Variants in HAUS5 observed in about 807,000 individuals in gnomAD.
HAUS5 encodes the protein HAUS augmin like complex subunit 5.
Under a neutral mutation model 94.1 loss-of-function variants are expected in HAUS5, and 67 were observed. The ratio of observed to expected loss-of-function variants is 0.71; its 90% CI spans 0.58 to 0.87. The LOEUF is 0.87. Among genes scored for constraint, HAUS5 ranks in the 40% least tolerant of loss-of-function variants. The pLI is 0.00. For synonymous variants in HAUS5, 339 were observed against 355.4 expected (o/e 0.95, Z 0.52); for missense variants, 739 against 825.6 (o/e 0.90, Z 1.29).
intron 1 of HAUS5, 46 bp from the exon 2 acceptor site, chr19:35,613,678 TCCCACA>T: frequency 6.6e-7 from 1 of 1,525,338 alleles, no homozygotes; most frequent in Non-Finnish European, 9.1e-7. Flanking sequence ...GGAATGAGGA[TCCCACA>T]CCCTGTGTGC....
intron 6 of HAUS5, 70 bp downstream of exon 6, chr19:35,615,456 C>A: frequency 8.2e-7 from 1 of 1,216,716 alleles, no homozygotes; most frequent in Non-Finnish European, 1.1e-6. Context: ...CAGGGCTCTG[C>A]CCTGATCCCT....
chr19:35,613,273 A>T (rs2071910920), intron 1 of HAUS5, among the ~76,000 whole-genome samples: 1 of 151,840 alleles, frequency 6.6e-6, no homozygotes, highest in Admixed American at 6.6e-5. Flanking sequence ...CTGGCAGTAC[A>T]TCCCCCACCT....
At chr19:35,616,348 A>G (rs983607308) in intron 6 of HAUS5, among the ~76,000 whole-genome samples, 4 of 152,036 alleles carry the variant, frequency 2.6e-5, no homozygotes, top group African/African-American at 9.7e-5. Context: ...ACCTTGGGCA[A>G]GGTATTTAAC....
chr19:35,619,624 G>A lies in HAUS5; in HGVS notation c.1272G>A (p.Leu424=). 6.5e-7 allele frequency: 1 copy of A among 1,531,684 alleles called. No homozygotes were observed. The allele number at this position is 1,531,684 out of a possible 1,614,324, so 94.9% of individuals were successfully genotyped here. A position where few individuals can be genotyped will look rare whatever the true frequency, so the allele number is the denominator to read the frequency against. ...LCRSPGEVLA[L]VQRKVVPTFE... is the part of the protein sequence containing the mutation. ...CCCCTTCCCCACAGGTGCTAGCTCTGGTCCAGCGAAAGGTGGTCCCTACAT... is the reference window on the plus strand; with the variant it reads ...CCCCTTCCCCACAGGTGCTAGCTCTAGTCCAGCGAAAGGTGGTCCCTACAT... The change falls in exon 15 of 19, where the codon CTG becomes CTA. Residue 424 remains leucine (L), a synonymous_variant. Transcript: ENST00000203166.
At chr19:35,613,928 C>T (rs1487050898) in intron 3 of HAUS5, 28 bp downstream of exon 3, 1 of 1,613,098 alleles carries the variant, frequency 6.2e-7, no homozygotes, top group Admixed American at 1.7e-5. Flanking sequence ...CTATCCCCTC[C>T]TGTCTTCCCC....
chr19:35,613,408 A>G (rs2071912134), intron 1 of HAUS5, among the ~76,000 whole-genome samples: 1 of 152,022 alleles, frequency 6.6e-6, no homozygotes, highest in East Asian at 1.9e-4. Context: ...GCAAACATCC[A>G]GTCCCTACAA....
Position 35,614,049 on chromosome 19 carries a change from A to C in HAUS5, c.209A>C (p.Asp70Ala). The change falls in exon 4 of 19, where the codon GAC becomes GCC. Residue 70 changes from aspartate to alanine, a missense_variant. Asp to Ala is a moderately radical substitution (Grantham distance 126). Transcript: ENST00000203166. ...RGNLLWYGHQDSPQVRRKLEL... is the reference protein window; with the variant it reads ...RGNLLWYGHQASPQVRRKLEL... ...CGTTTTCCTAGGTATGGCCACCAGG[A>C]CAGTCCACAGGTGAGAAGCATATGC... 6.2e-7 allele frequency: 1 copy of C among 1,613,894 alleles called. No homozygotes were observed. The highest frequency in any genetic ancestry group is 8.5e-7 in the Non-Finnish European group (1 of 1,179,820).
chr19:35,618,389 T>TGCCCCCCC lies in HAUS5; in HGVS notation c.822-13_822-12insGCCCCCCC. 6.2e-7 allele frequency: 1 copy of TGCCCCCCC among 1,602,654 alleles called. No homozygotes were observed. Among genetic ancestry groups the TGCCCCCCC allele is most frequent in the Non-Finnish European group, 8.5e-7 (1 of 1,171,950 alleles). On this transcript the variant is annotated splice_polypyrimidine_tract_variant and intron_variant, in intron 10 of 18. Coordinates refer to ENST00000203166, the MANE Select transcript of HAUS5 (RefSeq NM_015302.2). ...GCAGCACGGCTCCCTCAGCAGCTCT[T>TGCCCCCCC]CCCCCACCCCAGACCCCAGGCCCCG...
At chr19:35,618,728 AG>A in intron 12 of HAUS5, 29 bp downstream of exon 12, 1 of 1,554,598 alleles carries the variant, frequency 6.4e-7, no homozygotes, top group Non-Finnish European at 8.7e-7. Flanking sequence ...AGAGGTCTCT[AG>A]GCCATCTCGC....
rs200591507 is a variant in HAUS5, at chr19:35,613,990, C to A, written c.195-45C>A. ...CAGCATCACACCTATTGCCCTCCCCCCTAGAAGCCCCACTCATCCGCTGAC... is the reference window on the plus strand; with the variant it reads ...CAGCATCACACCTATTGCCCTCCCCACTAGAAGCCCCACTCATCCGCTGAC... On this transcript the variant is annotated intron_variant, in intron 3 of 18. Transcript: ENST00000203166. 9.3e-5 allele frequency: 150 copies of A among 1,612,148 alleles called. 3 individuals carry two copies. Among genetic ancestry groups the A allele is most frequent in the South Asian group, 5.1e-4 (46 of 91,058 alleles).
At chr19:35,622,579 C>G in intron 17 of HAUS5, 22 bp from the exon 18 acceptor site, 5 of 1,611,346 alleles carry the variant, frequency 3.1e-6, no homozygotes, top group Non-Finnish European at 2.5e-6. Flanking sequence ...TCAAAGCTGC[C>G]TCCTGGCTTT....
rs746696536 is a variant in HAUS5, at chr19:35,620,287, C to A, written c.1611C>A (p.Leu537=). The change falls in exon 17 of 19, where the codon CTC becomes CTA. Residue 537 remains leucine (L), a synonymous_variant. Transcript: ENST00000203166. ...DQRSLWCWDL[L]HMKTSLPPGL... is the part of the protein sequence containing the mutation. ...GGAGCCTCTGGTGCTGGGATCTACT[C>A]CACATGAAGACCAGCCTGCCGCCAG... 1 of 1,613,554 alleles carries A rather than the reference C, an allele frequency of 6.2e-7. No individual in the cohort carries two copies. The highest frequency in any genetic ancestry group is 1.3e-5 in the African/African-American group (1 of 74,994).
chr19:35,619,394 A>C (rs1387622652), intron 13 of HAUS5, 30 bp from the exon 14 acceptor site: 1 of 1,518,978 alleles, frequency 6.6e-7, no homozygotes, highest in East Asian at 2.3e-5. Flanking sequence ...AGCTGGGAGG[A>C]GTGGGTCTCA....
chr19:35,622,688 A>G lies in HAUS5; in HGVS notation c.1739A>G (p.Gln580Arg), dbSNP rs61747965. The stretch of plus-strand genomic sequence containing the variant: ...AAGAGGCTGGAGAAGCTACTGAAAC[A>G]GGCACTGGAGCGAATCCCTGAGCTG... ...ALKRLEKLLK[Q>R]ALERIPELQG... The change falls in exon 18 of 19, where the codon CAG (glutamine) becomes CGG (arginine). Residue 580 changes from glutamine to arginine, a missense_variant. Transcript: ENST00000203166. 0.03 allele frequency: 48,177 copies of G among 1,614,008 alleles called. 939 individuals are homozygous for G. Among genetic ancestry groups the G allele is most frequent in the South Asian group, 0.043 (3,874 of 91,076 alleles).
chr19:35,619,584 G>C lies in HAUS5; in HGVS notation c.1261-29G>C. 2.6e-6 allele frequency: 4 copies of C among 1,533,894 alleles called. No homozygotes were observed. The South Asian group carries it at 4.7e-5, about 18-fold the overall frequency. ...CTGGGTGGACTTGTGATGTTGTGATGCCCCACCCACCCCTCCCCTTCCCCA... is the reference window on the plus strand; with the variant it reads ...CTGGGTGGACTTGTGATGTTGTGATCCCCCACCCACCCCTCCCCTTCCCCA... On this transcript the variant is annotated intron_variant, in intron 14 of 18. Transcript: ENST00000203166.
At position 35,618,132 on chromosome 19, in the gene HAUS5, A is replaced by C. The variant is rs1967135276; in HGVS notation, c.758A>C (p.Glu253Ala). Residue 253 changes from glutamate (E) to alanine (A), a missense_variant, in exon 10 of 19, where the codon GAG (glutamate) becomes GCG (alanine). By Grantham distance (107) the Glu-to-Ala change is moderately radical. Transcript: ENST00000203166. ...VLAALEHLAA[E>A]REAEIRSLCS... ...GCTGCCTTGGAGCACCTGGCTGCAG[A>C]GCGGGAGGCAGAGATTCGGTCCCTG... 1.2e-6 allele frequency: 2 copies of C among 1,609,910 alleles called. No homozygotes were observed. Among genetic ancestry groups the C allele is most frequent in the Admixed American group, 3.4e-5 (2 of 59,680 alleles).
At chr19:35,617,011 C>G in intron 6 of HAUS5, 113 bp from the exon 7 acceptor site, 1 of 834,622 alleles carries the variant, frequency 1.2e-6, no homozygotes, top group Non-Finnish European at 2.0e-6. Flanking sequence ...AGATGGCTCC[C>G]GAGATCTAGG....
rs878940145 is a variant in HAUS5, at chr19:35,622,935, C to G, written c.1844C>G (p.Pro615Arg). 1 of 1,613,916 alleles carries G rather than the reference C, an allele frequency of 6.2e-7. No homozygotes were observed. Among genetic ancestry groups the G allele is most frequent in the Non-Finnish European group, 8.5e-7 (1 of 1,179,974 alleles). ...SEELCQGLSL[P>R]QWRLRWVQAQ... ...GAGCTCTGCCAGGGCCTGTCCCTGC[C>G]CCAGTGGCGGCTGCGCTGGGTTCAG... Residue 615 changes from proline (P) to arginine (R), a missense_variant, in exon 19 of 19, where the codon CCC becomes CGC. By Grantham distance (103) the Pro-to-Arg change is moderately radical. Coordinates refer to ENST00000203166, the MANE Select transcript of HAUS5 (RefSeq NM_015302.2).
intron 17 of HAUS5, 92 bp from the exon 18 acceptor site, chr19:35,622,509 A>G (rs945831794): frequency 7.3e-7 from 1 of 1,370,684 alleles, no homozygotes; most frequent in African/African-American, 1.5e-5. Flanking sequence ...GCTGAGGTCA[A>G]GACTAGGGGA....
Sources: gnomAD v4.1 joint callset for allele counts (sites outside exome capture counted in the v4.1 genomes callset) on GRCh38, gnomAD v4.1.1 for gene constraint, MANE v1.5 for transcripts, NCBI Gene and HGNC (gene_info 2026-07-23, HGNC 2026-07-21) for gene names.